The following BCL2L13 variants were observed in gnomAD, a reference collection of about 807,000 sequenced individuals.
BCL2L13 encodes bcl-2-like protein 13.
A neutral mutation model predicts 25.8 loss-of-function variants in BCL2L13; 13 were observed. The ratio of observed to expected loss-of-function variants is 0.50; its 90% CI spans 0.33 to 0.80. The LOEUF is 0.80. Among genes scored for constraint, BCL2L13 ranks in the 30% least tolerant of loss-of-function variants. BCL2L13 has a pLI of 0.02. For synonymous variants in BCL2L13, 244 were observed against 230.3 expected (o/e 1.06, Z -0.54); for missense variants, 504 against 574.9 (o/e 0.88, Z 1.26).
intron 2 of BCL2L13, among the ~76,000 whole-genome samples, chr22:17,673,361 C>CT (rs35861622): frequency 1.5e-3 from 172 of 115,462 alleles, no homozygotes; most frequent in Admixed American, 5.5e-3. Context: ...TCTTTTCTTT[C>CT]TTTTTTTTTT....
rs1166792513 is a variant in BCL2L13 at position 17,685,760 on chromosome 22, C to CTTTTTTTTTTTTTTTTTTTTT, written c.229+2448_229+2468dup. 2.5e-4 allele frequency among the ~76,000 whole-genome samples: 15 copies of CTTTTTTTTTTTTTTTTTTTTT among 60,566 alleles called. 4 individuals are homozygous for CTTTTTTTTTTTTTTTTTTTTT. Among genetic ancestry groups the CTTTTTTTTTTTTTTTTTTTTT allele is most frequent in the East Asian group, 1.0e-3 (2 of 1,994 alleles). The allele number at this position is 60,566 out of a possible 152,430, so 39.7% of individuals were successfully genotyped here. A position where few individuals can be genotyped will look rare whatever the true frequency, so the allele number is the denominator to read the frequency against. On this transcript the variant is annotated intron_variant, in intron 3 of 6. Transcript: ENST00000317582. ...TATTGCCCAATAATTTTTTCTTTTT[C>CTTTTTTTTTTTTTTTTTTTTT]TTTTTTTTTTTTTTTTTTTTTTTTT...
intron 1 of BCL2L13, chr22:17,629,018 A>C: frequency 4.2e-6 from 1 of 235,996 alleles, no homozygotes; most frequent in Non-Finnish European, 8.7e-6. Context: ...ATATTGGAGA[A>C]TGTGCCTTTA....
Position 17,727,469 on chromosome 22 carries a change from G to A in BCL2L13, c.1393G>A (p.Gly465Arg). ...SEGKSILLFG[G>R]AAAVAILAVA... The stretch of plus-strand genomic sequence containing the variant: ...GGGCAAGTCTATACTGCTGTTTGGA[G>A]GGGCTGCTGCTGTTGCCATCCTGGC... Residue 465 changes from glycine to arginine, a missense_variant, in exon 7 of 7, where the codon GGG becomes AGG. By Grantham distance (125) the Gly-to-Arg change is moderately radical (BLOSUM62 -2). Coordinates refer to ENST00000317582, the MANE Select transcript of BCL2L13 (RefSeq NM_015367.4). 1 of 1,614,264 alleles carries A rather than the reference G, an allele frequency of 6.2e-7. No individual in the cohort carries two copies. Among genetic ancestry groups the A allele is most frequent in the Non-Finnish European group, 8.5e-7 (1 of 1,180,048 alleles).
chr22:17,638,635 G>C (rs2146364152), upstream of BCL2L13: 2 of 1,217,328 alleles, frequency 1.6e-6, no homozygotes, highest in Non-Finnish European at 2.1e-6. Flanking sequence ...GTCACATCTG[G>C]ACGGAGAGAC....
At chr22:17,657,949 A>C (rs1008079966) in intron 2 of BCL2L13, among the ~76,000 whole-genome samples, 1 of 143,628 alleles carries the variant, frequency 7.0e-6, no homozygotes, top group African/African-American at 2.6e-5. Context: ...CAGCCTCCCG[A>C]GTAGCTGGGA....
chr22:17,684,268 A>C (rs1047350246), intron 3 of BCL2L13, among the ~76,000 whole-genome samples: 1 of 152,180 alleles, frequency 6.6e-6, no homozygotes, highest in East Asian at 1.9e-4. Flanking sequence ...CCTGAGTTCA[A>C]AACCACACTG....
intron 6 of BCL2L13, among the ~76,000 whole-genome samples, chr22:17,723,752 G>T (rs2091667743): frequency 6.6e-6 from 1 of 152,060 alleles, no homozygotes; most frequent in Non-Finnish European, 1.5e-5. Context: ...GGCCAACATG[G>T]TGAAACCCCG....
chr22:17,635,923 A>C (rs370188117), upstream of BCL2L13, among the ~76,000 whole-genome samples: 111 of 148,218 alleles, frequency 7.5e-4, no homozygotes, highest in South Asian at 1.1e-3. Flanking sequence ...GTTGGCCAGG[A>C]TGGTCTCCAT....
At chr22:17,656,895 T>C (rs909886410) in intron 2 of BCL2L13, among the ~76,000 whole-genome samples, 2 of 152,164 alleles carry the variant, frequency 1.3e-5, no homozygotes, top group African/African-American at 2.4e-5. Context: ...TTTGGCTCAC[T>C]GTAACCTCTG....
Position 17,727,127 on chromosome 22 carries a change from G to T in BCL2L13, c.1051G>T (p.Ala351Ser), listed in dbSNP as rs766620136. ...AGCTCCCTTGCTTCCACATATCACT[G>T]CCACCTCCCTGCTGGGGACAAGGGA... ...APAPLLPHIT[A>S]TSLLGTREPD... is the part of the protein sequence containing the mutation. Residue 351 changes from alanine (A) to serine (S), a missense_variant, in exon 7 of 7, where the codon GCC (alanine) becomes TCC (serine). Physicochemically the swap from Ala to Ser is moderately conservative, Grantham distance 99 (BLOSUM62 1). Transcript: ENST00000317582. 1.2e-6 allele frequency: 2 copies of T among 1,614,060 alleles called. No individual in the cohort carries two copies. Among genetic ancestry groups the T allele is most frequent in the Non-Finnish European group, 1.7e-6 (2 of 1,180,044 alleles).
rs758207802 is a variant in BCL2L13 at position 17,702,356 on chromosome 22, G to A, written c.570G>A (p.Ser190=). The part of the protein sequence containing the change: ...QFGVTYLEDY[S]AEYIIQQGGW... ...GCGTGACATACCTGGAGGACTATTC[G>A]GCAGAGTACATCATTCAGCAAGGTG... Residue 190 remains serine (S), a synonymous_variant, in exon 6 of 7, where the codon TCG becomes TCA. Transcript: ENST00000317582. 2.5e-6 allele frequency: 4 copies of A among 1,608,694 alleles called. No individual in the cohort carries two copies. The highest frequency in any genetic ancestry group is 2.7e-5 in the African/African-American group (2 of 74,546).
At chr22:17,656,979 C>T (rs552593503) in intron 2 of BCL2L13, among the ~76,000 whole-genome samples, 8 of 152,204 alleles carry the variant, frequency 5.3e-5, no homozygotes, top group South Asian at 2.1e-4. Flanking sequence ...CTGCCACGCC[C>T]GGCTAGTTTT....
chr22:17,654,856 G>A (rs1274150570), intron 1 of BCL2L13, among the ~76,000 whole-genome samples: 1 of 151,850 alleles, frequency 6.6e-6, no homozygotes, highest in Admixed American at 6.6e-5. Flanking sequence ...TGAGTAACTG[G>A]GACCATAGGC....
At chr22:17,685,760 CTTTTTT>C (rs1166792513) in intron 3 of BCL2L13, among the ~76,000 whole-genome samples, 36 of 60,554 alleles carry the variant, frequency 5.9e-4, no homozygotes, top group South Asian at 3.6e-3. Flanking sequence ...TTTTCTTTTT[CTTTTTT>C]TTTTTTTTTT....
chr22:17,649,041 G>A (rs1261555382), intron 1 of BCL2L13, among the ~76,000 whole-genome samples: 2 of 151,596 alleles, frequency 1.3e-5, no homozygotes, highest in Non-Finnish European at 2.9e-5. Context: ...GGTCAAGCTT[G>A]CTTCCTGCCT....
At chr22:17,677,180 A>T (rs715532) in intron 2 of BCL2L13, among the ~76,000 whole-genome samples, 1 of 151,978 alleles carries the variant, frequency 6.6e-6, no homozygotes, top group Non-Finnish European at 1.5e-5. Flanking sequence ...AAAAAAATAA[A>T]AGGATTTGAA....
intron 1 of BCL2L13, among the ~76,000 whole-genome samples, chr22:17,654,952 G>A (rs1568933233): frequency 6.6e-6 from 1 of 152,022 alleles, no homozygotes; most frequent in Non-Finnish European, 1.5e-5. Flanking sequence ...TTGAACTGCT[G>A]GACTCAAGCA....
intron 6 of BCL2L13, among the ~76,000 whole-genome samples, chr22:17,710,672 C>T (rs894570991): frequency 6.6e-6 from 1 of 151,834 alleles, no homozygotes. Flanking sequence ...GTCAGGAGAT[C>T]GAGACCATCC....
chr22:17,633,001 G>A (rs1341514641), intron 1 of BCL2L13, among the ~76,000 whole-genome samples: 5 of 151,978 alleles, frequency 3.3e-5, no homozygotes, highest in African/African-American at 7.2e-5. Context: ...TGATCCACCC[G>A]CCTCAGCCTC....
Sources: allele counts gnomAD v4.1 joint callset (sites outside exome capture counted in the v4.1 genomes callset), GRCh38; gene constraint gnomAD v4.1.1; transcripts MANE v1.5; gene names NCBI Gene and HGNC (gene_info 2026-07-23, HGNC 2026-07-21).